COA1: variants seen among roughly 807,000 people sequenced by gnomAD.
COA1 encodes the protein cytochrome c oxidase assembly factor 1.
A neutral mutation model predicts 16.0 loss-of-function variants in COA1; 13 were observed. The ratio of observed to expected loss-of-function variants is 0.81; its 90% CI spans 0.53 to 1.29. The LOEUF is 1.29. Ranked by LOEUF, COA1 falls within the 50% of genes most tolerant of loss-of-function variation. The probability of loss-of-function intolerance (pLI) is 0.00; values close to 1 mark genes in which losing one functional copy is unlikely to be tolerated. For synonymous variants in COA1, 65 were observed against 65.7 expected, an observed-to-expected ratio of 0.99 and a Z score of 0.05; for missense variants, 179 against 177.0, an observed-to-expected ratio of 1.01 and a Z score of -0.06.
In COA1 at chr7:43,644,789, G is replaced by GAGAGACAGAGA. The variant is rs1442537142; in HGVS notation, c.264+461_264+462insTCTCTGTCTCT. 2.8e-3 allele frequency among the ~76,000 whole-genome samples: 290 copies of GAGAGACAGAGA among 104,338 alleles called. 3 individuals are homozygous for GAGAGACAGAGA. The highest frequency in any genetic ancestry group is 4.3e-3 in the Non-Finnish European group (233 of 54,328). 68.4% of individuals were successfully genotyped at this position (104,338 alleles called of 152,430 possible). On this transcript the variant is annotated intron_variant, in intron 4 of 5. Coordinates refer to ENST00000223336, the MANE Select transcript of COA1 (RefSeq NM_018224.4). ...AGGCAGGCAGGCAGGCAGGCAGGCA[G>GAGAGACAGAGA]GCAGAGAGACAGAGAGAGAGAGAGA... is the stretch of plus-strand genomic sequence containing the variant.
At chr7:43,699,631 A>T (rs1258733593) in intron 1 of COA1, among the ~76,000 whole-genome samples, 1 of 152,202 alleles carries the variant, frequency 6.6e-6, no homozygotes, top group Non-Finnish European at 1.5e-5. Context: ...TTTTGTTTCA[A>T]TATGTCCTAC....
At chr7:43,624,616 CA>C in intron 6 of COA1, 1 of 1,614,062 alleles carries the variant, frequency 6.2e-7, no homozygotes, top group Non-Finnish European at 8.5e-7. Context: ...CTAGAAGAAG[CA>C]AATGCCCTCC....
At chr7:43,703,034 AGTAT>A (rs1362387701) in intron 1 of COA1, among the ~76,000 whole-genome samples, 1 of 152,102 alleles carries the variant, frequency 6.6e-6, no homozygotes, top group Non-Finnish European at 1.5e-5. Context: ...CAAGGATTCT[AGTAT>A]GTTGTGTCTT....
chr7:43,644,747 T>C (rs139472938), intron 4 of COA1, among the ~76,000 whole-genome samples: 13,727 of 113,260 alleles, frequency 0.12, 1,339 homozygotes, highest in Non-Finnish European at 0.17. Context: ...GATAGATAGA[T>C]AGATAGATAG....
intron 1 of COA1, among the ~76,000 whole-genome samples, chr7:43,661,618 T>C (rs1433597597): frequency 7.0e-6 from 1 of 142,212 alleles, no homozygotes; most frequent in South Asian, 2.3e-4. Flanking sequence ...GCCTGGGCGA[T>C]AGAGCGAGAC....
chr7:43,696,445 T>A (rs1298978645), intron 1 of COA1, among the ~76,000 whole-genome samples: 1 of 152,220 alleles, frequency 6.6e-6, no homozygotes, highest in Non-Finnish European at 1.5e-5. Context: ...ACTGCCATTG[T>A]CTATAAAAGC....
intron 6 of COA1, among the ~76,000 whole-genome samples, chr7:43,621,484 C>A (rs2153012606): frequency 6.6e-6 from 1 of 152,236 alleles, no homozygotes; most frequent in East Asian, 1.9e-4. Context: ...TTAATGCTTT[C>A]TTTGTTGTTG....
intron 6 of COA1, among the ~76,000 whole-genome samples, chr7:43,613,698 G>C (rs1184013299): frequency 3.3e-5 from 5 of 152,070 alleles, no homozygotes; most frequent in Non-Finnish European, 7.4e-5. Context: ...AAAAAAATCA[G>C]CCAGCCATGG....
At chr7:43,716,580 A>T (rs2095399698) in intron 1 of COA1, among the ~76,000 whole-genome samples, 1 of 152,194 alleles carries the variant, frequency 6.6e-6, no homozygotes, top group Non-Finnish European at 1.5e-5. Context: ...AACAGGGCAT[A>T]AAAGTTCAGA....
chr7:43,708,472 A>G (rs2095086738), intron 1 of COA1, among the ~76,000 whole-genome samples: 1 of 152,106 alleles, frequency 6.6e-6, no homozygotes, highest in South Asian at 2.1e-4. Context: ...AAAAAAAAAA[A>G]AATTCCTTGC....
intron 1 of COA1, among the ~76,000 whole-genome samples, chr7:43,683,248 G>GT (rs963069116): frequency 5.3e-5 from 8 of 151,810 alleles, no homozygotes; most frequent in African/African-American, 1.7e-4. Context: ...ATATAGTTGT[G>GT]TTTTTTTTCC....
At chr7:43,693,915 A>G (rs1354688986) in intron 1 of COA1, among the ~76,000 whole-genome samples, 1 of 151,848 alleles carries the variant, frequency 6.6e-6, no homozygotes, top group Non-Finnish European at 1.5e-5. Flanking sequence ...GTAATCACAC[A>G]CCATTTTAGT....
At chr7:43,615,240 A>G (rs548564734) in intron 6 of COA1, among the ~76,000 whole-genome samples, 1 of 152,308 alleles carries the variant, frequency 6.6e-6, no homozygotes, top group East Asian at 1.9e-4. Context: ...CAGTGGCACT[A>G]TCTCGGCTCA....
chr7:43,651,270 G>A (rs1484009587), intron 1 of COA1, among the ~76,000 whole-genome samples: 1 of 152,118 alleles, frequency 6.6e-6, no homozygotes, highest in South Asian at 2.1e-4. Flanking sequence ...TTAACTGTTC[G>A]CCAAAAGGCA....
intron 1 of COA1, chr7:43,649,450 A>G (rs570988801): frequency 4.6e-5 from 7 of 152,390 alleles, no homozygotes; most frequent in African/African-American, 1.7e-4. Flanking sequence ...GTTCAGTGTA[A>G]AAGTCCTTGG....
intron 1 of COA1, among the ~76,000 whole-genome samples, chr7:43,655,282 T>C (rs1256415970): frequency 6.6e-6 from 1 of 152,204 alleles, no homozygotes; most frequent in Non-Finnish European, 1.5e-5. Flanking sequence ...CTACTAAAAA[T>C]ACAAAATATT....
chr7:43,653,634 T>G (rs1425365206), intron 1 of COA1, among the ~76,000 whole-genome samples: 1 of 152,086 alleles, frequency 6.6e-6, no homozygotes, highest in Non-Finnish European at 1.5e-5. Context: ...GCAAGCTCCC[T>G]TTGTTAAGCT....
At chr7:43,641,379 C>T (rs2087049612) in intron 4 of COA1, 1 of 149,870 alleles carries the variant, frequency 6.7e-6, no homozygotes, top group Non-Finnish European at 1.5e-5. Context: ...GATATATGTG[C>T]TTATGTGTAT....
At chr7:43,686,695 C>A (rs1464224017) in intron 1 of COA1, among the ~76,000 whole-genome samples, 4 of 152,150 alleles carry the variant, frequency 2.6e-5, no homozygotes, top group Non-Finnish European at 5.9e-5. Context: ...CACTTTTTGT[C>A]CTTTACTGGT....
Sources: gnomAD v4.1 joint callset for allele counts (sites outside exome capture counted in the v4.1 genomes callset) on GRCh38, gnomAD v4.1.1 for gene constraint, MANE v1.5 for transcripts, NCBI Gene and HGNC (gene_info 2026-07-23, HGNC 2026-07-21) for gene names.